Variants in CFAP299 observed in about 807,000 individuals in gnomAD.
The protein encoded by CFAP299 is cilia- and flagella-associated protein 299.
Under a neutral mutation model 27.0 loss-of-function variants are expected in CFAP299, and 21 were observed. The observed-to-expected ratio is 0.78, with a 90% CI of 0.55 to 1.12. CFAP299 has a LOEUF of 1.12. Ranked by LOEUF, CFAP299 falls within the 50% of genes most tolerant of loss-of-function variation. The probability of loss-of-function intolerance (pLI) is 0.00; values close to 1 mark genes in which losing one functional copy is unlikely to be tolerated. For missense variants in CFAP299, 310 were observed against 276.6 expected (o/e 1.12, Z -0.86); for synonymous variants, 104 against 98.1 (o/e 1.06, Z -0.36).
intron 3 of CFAP299, among the ~76,000 whole-genome samples, chr4:80,811,428 G>A (rs915901783): frequency 2.0e-5 from 3 of 152,188 alleles, no homozygotes; most frequent in African/African-American, 4.8e-5. Context: ...AATGTATCCC[G>A]AATTTGCCAT....
At chr4:80,429,329 T>C (rs1459277905) in intron 2 of CFAP299, among the ~76,000 whole-genome samples, 1 of 99,798 alleles carries the variant, frequency 1.0e-5, no homozygotes, top group East Asian at 3.5e-4. Context: ...CATATTTTAC[T>C]TGTATCATTG....
Position 80,851,575 on chromosome 4 carries a change from A to G in CFAP299, c.334-18418A>G, listed in dbSNP as rs76696788. On this transcript the variant is annotated intron_variant, in intron 3 of 5. Coordinates refer to ENST00000358105, the MANE Select transcript of CFAP299 (RefSeq NM_152770.3). ...GAAAGGTATAGAAGAACATCAGGGTATTTGGGCAACCCTGACCCATGAACT... is the reference window on the plus strand; with the variant it reads ...GAAAGGTATAGAAGAACATCAGGGTGTTTGGGCAACCCTGACCCATGAACT... 5.8e-3 allele frequency among the ~76,000 whole-genome samples: 887 copies of G among 152,280 alleles called. 12 individuals are homozygous for G. Among genetic ancestry groups the G allele is most frequent in the African/African-American group, 0.02 (849 of 41,578 alleles).
chr4:80,692,015 C>A (rs1366911608), intron 3 of CFAP299, among the ~76,000 whole-genome samples: 1 of 152,048 alleles, frequency 6.6e-6, no homozygotes, highest in African/African-American at 2.4e-5. Context: ...TCAAGGAGAA[C>A]TACAAACCAC....
intron 2 of CFAP299, among the ~76,000 whole-genome samples, chr4:80,453,432 A>T (rs1728990273): frequency 2.0e-5 from 3 of 152,166 alleles, no homozygotes; most frequent in Admixed American, 2.0e-4. Flanking sequence ...ATCCTGTCTT[A>T]TAACCCCTAA....
At chr4:80,845,293 T>TTTC (rs201846435) in intron 3 of CFAP299, among the ~76,000 whole-genome samples, 2,636 of 150,876 alleles carry the variant, frequency 0.017, 38 homozygotes, top group African/African-American at 0.038. Context: ...TTTTTTTTTT[T>TTTC]AAAAGACCGT....
intron 4 of CFAP299, chr4:80,871,747 T>A: frequency 1.8e-6 from 1 of 567,572 alleles, no homozygotes; most frequent in Non-Finnish European, 2.2e-6. Context: ...TCAGCATGGA[T>A]CTTTATCTGA....
intron 2 of CFAP299, among the ~76,000 whole-genome samples, chr4:80,468,483 C>G (rs910125307): frequency 5.3e-5 from 8 of 151,928 alleles, no homozygotes; most frequent in Non-Finnish European, 1.0e-4. Flanking sequence ...CTTGTTCTCC[C>G]GAAGTGCTGG....
At chr4:80,498,949 A>T (rs945163349) in intron 2 of CFAP299, among the ~76,000 whole-genome samples, 1 of 152,172 alleles carries the variant, frequency 6.6e-6, no homozygotes, top group African/African-American at 2.4e-5. Context: ...TTGCAGCAAC[A>T]TGTATGGAGC....
chr4:80,505,780 C>A (rs1731997365), intron 2 of CFAP299, among the ~76,000 whole-genome samples: 1 of 151,816 alleles, frequency 6.6e-6, no homozygotes, highest in Non-Finnish European at 1.5e-5. Context: ...ATGAGCCCTC[C>A]CTTTGTGTTC....
chr4:80,861,533 G>C (rs1257756158), intron 3 of CFAP299, among the ~76,000 whole-genome samples: 1 of 152,100 alleles, frequency 6.6e-6, no homozygotes, highest in Non-Finnish European at 1.5e-5. Flanking sequence ...GACTGGAGCT[G>C]TTCCTATTCA....
intron 4 of CFAP299, among the ~76,000 whole-genome samples, chr4:80,887,796 T>C (rs1453575745): frequency 2.6e-5 from 4 of 151,982 alleles, no homozygotes; most frequent in African/African-American, 9.7e-5. Flanking sequence ...CAATAAGACA[T>C]AAGGAGAAAT....
chr4:80,460,959 G>A (rs1048898704), intron 2 of CFAP299, among the ~76,000 whole-genome samples: 1 of 152,138 alleles, frequency 6.6e-6, no homozygotes, highest in Non-Finnish European at 1.5e-5. Context: ...ATACATTTTA[G>A]GGAGACATAT....
chr4:80,371,942 A>G (rs781782707), intron 2 of CFAP299, among the ~76,000 whole-genome samples: 1 of 152,128 alleles, frequency 6.6e-6, no homozygotes, highest in Non-Finnish European at 1.5e-5. Context: ...ATTTTCTATT[A>G]TCTTTATAGC....
chr4:80,799,421 T>A (rs1319732575), intron 3 of CFAP299, among the ~76,000 whole-genome samples: 3 of 89,888 alleles, frequency 3.3e-5, no homozygotes, highest in African/African-American at 1.4e-4. Flanking sequence ...ATATAAGTAA[T>A]ATTTATAATA....
intron 4 of CFAP299, chr4:80,871,904 A>C (rs1403047545): frequency 1.3e-5 from 2 of 153,526 alleles, no homozygotes; most frequent in Admixed American, 6.6e-5. Flanking sequence ...TTGTTTGACC[A>C]GTCAAAATTC....
intron 3 of CFAP299, among the ~76,000 whole-genome samples, chr4:80,636,804 G>A (rs2109954084): frequency 6.6e-6 from 1 of 152,282 alleles, no homozygotes; most frequent in African/African-American, 2.4e-5. Context: ...AAATGGCAAA[G>A]TTGACTAATT....
chr4:80,583,154 GA>G lies in CFAP299; in HGVS notation c.306del (p.Glu103LysfsTer8). ...TTTTCTGACGGCCCTGGCAATGAGA[GA>G]AGAAGACAATCGCAGTGGAAAACTG... ...DNFLTALAMR[E>X]EDNRSGKLSS... On this transcript the variant is annotated frameshift_variant, in exon 3 of 6. Transcript: ENST00000358105. LOFTEE classifies it high-confidence loss of function. 1 of 1,605,692 alleles carries G rather than the reference GA, an allele frequency of 6.2e-7. No homozygotes were observed. The highest frequency in any genetic ancestry group is 8.5e-7 in the Non-Finnish European group (1 of 1,174,638).
intron 2 of CFAP299, among the ~76,000 whole-genome samples, chr4:80,550,109 G>A (rs927655870): frequency 1.3e-5 from 2 of 151,718 alleles, no homozygotes; most frequent in African/African-American, 4.8e-5. Flanking sequence ...TATGATTATT[G>A]TATATGATTA....
At chr4:80,914,464 C>A (rs1014766448) in intron 4 of CFAP299, among the ~76,000 whole-genome samples, 1 of 152,038 alleles carries the variant, frequency 6.6e-6, no homozygotes, top group East Asian at 1.9e-4. Flanking sequence ...TAGCAATATC[C>A]GTATCCTCTA....
Sources: allele counts gnomAD v4.1 joint callset (sites outside exome capture counted in the v4.1 genomes callset), GRCh38; gene constraint gnomAD v4.1.1; transcripts MANE v1.5; gene names NCBI Gene and HGNC (gene_info 2026-07-23, HGNC 2026-07-21).